The following UPP2 variants were observed in gnomAD, a reference collection of about 807,000 sequenced individuals.
UPP2 encodes the protein UPase 2.
A neutral mutation model predicts 26.7 loss-of-function variants in UPP2; 23 were observed. The observed-to-expected ratio is 0.86, with a 90% CI of 0.62 to 1.22. The LOEUF is 1.22. Among genes scored for constraint, UPP2 ranks in the 50% most tolerant of loss-of-function variants. The probability of loss-of-function intolerance (pLI) is 0.00; values close to 1 mark genes in which losing one functional copy is unlikely to be tolerated. For missense variants in UPP2, 387 were observed against 396.7 expected (o/e 0.98, Z 0.21); for synonymous variants, 127 against 141.3 (o/e 0.90, Z 0.72).
chr2:158,018,748 A>G (rs936402478), intron 3 of UPP2, among the ~76,000 whole-genome samples: 2 of 152,174 alleles, frequency 1.3e-5, no homozygotes, highest in African/African-American at 4.8e-5. Flanking sequence ...TTTTGTCAAT[A>G]CACTCTTACA....
rs770299234 is a variant in UPP2, at chr2:158,102,083, C to T, written c.20C>T (p.Ala7Val). The T allele has an allele frequency of 3.1e-6, 5 of 1,613,466 alleles. No individual in the cohort carries two copies. In the South Asian group the frequency reaches 3.3e-5, roughly 11 times the overall value. Residue 7 changes from alanine to valine, a missense_variant, in exon 1 of 7, where the codon GCC becomes GTC. Coordinates refer to ENST00000005756, the MANE Select transcript of UPP2 (RefSeq NM_173355.4). MASVIP[A>V]SNRSMRSDRN... Reference sequence around the variant, plus strand: ...GAGAGAATGGCTTCAGTTATACCTGCCTCCAATAGGTCCATGAGATCTGAC... The same window carrying T: ...GAGAGAATGGCTTCAGTTATACCTGTCTCCAATAGGTCCATGAGATCTGAC...
At chr2:158,072,896 G>A (rs1193183236) in intron 3 of UPP2, among the ~76,000 whole-genome samples, 3 of 152,124 alleles carry the variant, frequency 2.0e-5, no homozygotes, top group Admixed American at 6.5e-5. Context: ...AGACTACAAT[G>A]AGTACCTAAA....
intron 3 of UPP2, among the ~76,000 whole-genome samples, chr2:158,043,244 C>T (rs1056238512): frequency 2.0e-5 from 3 of 152,162 alleles, no homozygotes; most frequent in African/African-American, 7.2e-5. Context: ...AAAAGCCCAG[C>T]CTCAGGGGAG....
intron 3 of UPP2, among the ~76,000 whole-genome samples, chr2:158,049,016 G>T (rs1259943433): frequency 2.0e-5 from 3 of 152,122 alleles, no homozygotes; most frequent in Non-Finnish European, 4.4e-5. Flanking sequence ...CAGTGCAGTG[G>T]GTGTGAGCCC....
intron 2 of UPP2, among the ~76,000 whole-genome samples, chr2:158,002,009 G>A (rs951573742): frequency 1.9e-4 from 28 of 146,770 alleles, no homozygotes; most frequent in Non-Finnish European, 1.5e-4. Flanking sequence ...TACCTTACAT[G>A]GAAAGAAGGT....
chr2:158,074,427 G>A (rs562882845), intron 3 of UPP2, among the ~76,000 whole-genome samples: 1 of 152,060 alleles, frequency 6.6e-6, no homozygotes, highest in African/African-American at 2.4e-5. Context: ...AAAAGCTGGG[G>A]GATAAAGTTA....
At chr2:158,034,174 T>C (rs1275311984) in intron 3 of UPP2, among the ~76,000 whole-genome samples, 2 of 152,068 alleles carry the variant, frequency 1.3e-5, no homozygotes, top group Non-Finnish European at 2.9e-5. Flanking sequence ...CTTCCACCTC[T>C]GAACTGCTCT....
At position 158,109,904 on chromosome 2, in the gene UPP2, T is replaced by C. The variant is rs184823253; in HGVS notation, c.180+3688T>C. Among the ~76,000 whole-genome samples, 482 of 152,272 alleles carry C rather than the reference T, an allele frequency of 3.2e-3. 4 individuals are homozygous for C. Among genetic ancestry groups the C allele is most frequent in the African/African-American group, 0.011 (464 of 41,552 alleles). On this transcript the variant is annotated intron_variant, in intron 2 of 6. Transcript: ENST00000005756. ...ATTTCCGGGGAAGGCAGGAAATAGT[T>C]TGAACTGAGGAAAAATGAAAATACA...
At chr2:158,056,717 A>G (rs533477511) in intron 3 of UPP2, among the ~76,000 whole-genome samples, 1 of 152,308 alleles carries the variant, frequency 6.6e-6, no homozygotes, top group East Asian at 1.9e-4. Context: ...TCTTAGAAGG[A>G]CGGCAGTCGT....
At chr2:158,059,789 C>A (rs1260671073) in intron 3 of UPP2, among the ~76,000 whole-genome samples, 1 of 152,068 alleles carries the variant, frequency 6.6e-6, no homozygotes, top group Non-Finnish European at 1.5e-5. Context: ...AGCACTTGAG[C>A]CTTTGTCTCA....
chr2:158,021,348 G>A (rs367640978), intron 3 of UPP2, among the ~76,000 whole-genome samples: 1 of 152,308 alleles, frequency 6.6e-6, no homozygotes, highest in African/African-American at 2.4e-5. Context: ...TTGGATGCTG[G>A]TCTGATACTG....
intron 3 of UPP2, 127 bp from the exon 4 acceptor site, chr2:158,117,697 A>G: frequency 2.8e-6 from 2 of 723,208 alleles, no homozygotes; most frequent in Admixed American, 5.3e-5. Flanking sequence ...TTTCCTCAGC[A>G]TTGGCAAAGT....
chr2:158,052,759 G>A (rs950294389), intron 3 of UPP2, among the ~76,000 whole-genome samples: 5 of 152,230 alleles, frequency 3.3e-5, no homozygotes, highest in Admixed American at 2.6e-4. Flanking sequence ...ATTATCTAGA[G>A]TAGGAACTGG....
In UPP2 at chr2:158,037,292, G is replaced by A. The variant is rs144505481; in HGVS notation, c.147+21406G>A. ...CGGGAGGCTGAGGCAGGAGAATCGC[G>A]TGAACCTGGGAGGCGGAGGTTGCAG... On this transcript the variant is annotated intron_variant, in intron 3 of 9. Transcript: ENST00000605860. Among the ~76,000 whole-genome samples the A allele has an allele frequency of 7.2e-3, 1,094 of 152,094 alleles. 15 individuals are homozygous for A. The highest frequency in any genetic ancestry group is 0.025 in the African/African-American group (1,037 of 41,506).
chr2:158,110,032 T>C (rs140767050), intron 2 of UPP2, among the ~76,000 whole-genome samples: 2,138 of 152,246 alleles, frequency 0.014, 56 homozygotes, highest in African/African-American at 0.048. Context: ...TACTTTAAGT[T>C]CTAGGGTACA....
intron 1 of UPP2, among the ~76,000 whole-genome samples, chr2:158,105,013 AGG>A (rs1227709488): frequency 3.1e-4 from 1 of 3,238 alleles, no homozygotes. Flanking sequence ...AGGGGAGGGG[AGG>A]GGAGGGGAGG....
At chr2:158,035,386 AC>A (rs1286886240) in intron 3 of UPP2, among the ~76,000 whole-genome samples, 6 of 152,028 alleles carry the variant, frequency 3.9e-5, no homozygotes, top group Non-Finnish European at 7.4e-5. Context: ...CGAACTCCTG[AC>A]CTCATAATCC....
Position 158,128,006 on chromosome 2 carries a change from A to T in UPP2, c.811+4111A>T, listed in dbSNP as rs373331161. 37 of 985,422 alleles carry T rather than the reference A, an allele frequency of 3.8e-5. No homozygotes were observed. In the African/African-American group the frequency reaches 5.1e-4, roughly 13 times the overall value. The allele number at this position is 985,422 out of a possible 1,614,324, so 61.0% of individuals were successfully genotyped here. A position where few individuals can be genotyped will look rare whatever the true frequency, so the allele number is the denominator to read the frequency against. ...TAAGCCCCAAACATTCTGATGAAAGATGATAATCCTCTTGTACTGTGAACT... is the reference window on the plus strand; with the variant it reads ...TAAGCCCCAAACATTCTGATGAAAGTTGATAATCCTCTTGTACTGTGAACT... On this transcript the variant is annotated intron_variant, in intron 6 of 6. Coordinates refer to ENST00000005756, the MANE Select transcript of UPP2 (RefSeq NM_173355.4).
In UPP2 at chr2:158,123,904, T is replaced by C; in HGVS notation, c.811+9T>C. 4 of 1,611,630 alleles carry C rather than the reference T, an allele frequency of 2.5e-6. No individual in the cohort carries two copies. The highest frequency in any genetic ancestry group is 3.4e-6 in the Non-Finnish European group (4 of 1,178,794). On this transcript the variant is annotated intron_variant, in intron 6 of 6. Transcript: ENST00000005756. ...ACTCTGTGGTCTAAAAGGTAAGCTT[T>C]TCGTGAATGCTTAGGGTCAAATTCT...
Sources: gnomAD v4.1 joint callset for allele counts (sites outside exome capture counted in the v4.1 genomes callset) on GRCh38, gnomAD v4.1.1 for gene constraint, MANE v1.5 for transcripts, NCBI Gene and HGNC (gene_info 2026-07-23, HGNC 2026-07-21) for gene names.